Variants in ATP5MG observed in about 807,000 individuals in gnomAD.
The protein encoded by ATP5MG is ATP synthase F(0) complex subunit g, mitochondrial.
ATP5MG carries 7 observed loss-of-function variants against 12.7 expected under a neutral mutation model. That is an observed-to-expected ratio of 0.55 (90% CI 0.31 to 1.04). ATP5MG has a LOEUF of 1.04. ATP5MG is among the 50% of genes least tolerant of loss of function. The pLI is 0.05. For missense variants in ATP5MG, 116 were observed against 126.7 expected (o/e 0.92, Z 0.41); for synonymous variants, 53 against 48.2 (o/e 1.10, Z -0.41).
Position 118,401,972 on chromosome 11 carries a change from G to C in ATP5MG, c.52+255G>C. Reference sequence around the variant, plus strand: ...CCACGACTGGGAAGAGAGGTAGTGTGAAGGAAGCCCGGCGTTGCCCGGCAG... The same window carrying C: ...CCACGACTGGGAAGAGAGGTAGTGTCAAGGAAGCCCGGCGTTGCCCGGCAG... On this transcript the variant is annotated intron_variant, in intron 1 of 2. Transcript: ENST00000300688. 4 of 460,016 alleles carry C rather than the reference G, an allele frequency of 8.7e-6. No homozygotes were observed. In the South Asian group the frequency reaches 1.5e-4, roughly 17 times the overall value. 28.5% of individuals were successfully genotyped at this position (460,016 alleles called of 1,614,324 possible).
At chr11:118,405,525 A>G (rs1948964902) in intron 1 of ATP5MG, 2 of 458,352 alleles carry the variant, frequency 4.4e-6, no homozygotes, top group South Asian at 1.9e-4. Flanking sequence ...TTTACCACCT[A>G]AAATATTGTT....
chr11:118,409,159 G>A lies in ATP5MG; in HGVS notation c.*61G>A, dbSNP rs1555132656. On this transcript the variant is annotated 3_prime_UTR_variant, in exon 3 of 3. Transcript: ENST00000300688. ...TTATTTGAGTGTTGTTGGACCATGT[G>A]TGATCAGACTGCTATCTGAATAAAA... 6 of 1,151,712 alleles carry A rather than the reference G, an allele frequency of 5.2e-6. No homozygotes were observed. Among genetic ancestry groups the A allele is most frequent in the Non-Finnish European group, 7.4e-6 (6 of 812,940 alleles). 71.3% of individuals were successfully genotyped at this position (1,151,712 alleles called of 1,614,324 possible). A position where few individuals can be genotyped will look rare whatever the true frequency, so the allele number is the denominator to read the frequency against.
At chr11:118,403,605 C>A (rs1404709882) in intron 1 of ATP5MG, among the ~76,000 whole-genome samples, 1 of 151,984 alleles carries the variant, frequency 6.6e-6, no homozygotes, top group Admixed American at 6.6e-5. Context: ...ACACCAGCCT[C>A]ACTAATATGG....
At chr11:118,407,324 G>C in intron 2 of ATP5MG, 1 of 590,486 alleles carries the variant, frequency 1.7e-6, no homozygotes, top group Admixed American at 3.6e-5. Context: ...CTTAAACCTA[G>C]CAAAAAAGTG....
chr11:118,406,318 A>G (rs1948971229), intron 1 of ATP5MG: 4 of 152,726 alleles, frequency 2.6e-5, no homozygotes, highest in Admixed American at 2.6e-4. Context: ...GGCTCTTCTT[A>G]ACTATACATG....
At chr11:118,407,724 T>A (rs571754926) in intron 2 of ATP5MG, among the ~76,000 whole-genome samples, 9 of 151,662 alleles carry the variant, frequency 5.9e-5, no homozygotes, top group South Asian at 2.1e-4. Context: ...TGAAAAAAAA[T>A]TGCCAGGTGT....
chr11:118,408,930 A>AT, intron 2 of ATP5MG, 70 bp from the exon 3 acceptor site: 1 of 411,620 alleles, frequency 2.4e-6, no homozygotes, highest in Non-Finnish European at 3.7e-6. Context: ...AATAGTTTCA[A>AT]ATATATATAT....
chr11:118,403,652 G>A (rs1434770914), intron 1 of ATP5MG, among the ~76,000 whole-genome samples: 2 of 151,684 alleles, frequency 1.3e-5, no homozygotes, highest in Non-Finnish European at 2.9e-5. Flanking sequence ...AATTAGCCGG[G>A]CATGGTGGCA....
At position 118,409,123 on chromosome 11, in the gene ATP5MG, T is replaced by C; in HGVS notation, c.*25T>C. The C allele has an allele frequency of 6.0e-6, 9 of 1,490,954 alleles. No homozygotes were observed. The South Asian group carries it at 1.1e-4, about 18-fold the overall frequency. The allele number at this position is 1,490,954 out of a possible 1,614,324, so 92.4% of individuals were successfully genotyped here. ...AAGACCAATCTTTAACATCTGATTA[T>C]ATTTGATTTATTATTTGAGTGTTGT... On this transcript the variant is annotated 3_prime_UTR_variant, in exon 3 of 3. Transcript: ENST00000300688.
chr11:118,401,942 T>C, intron 1 of ATP5MG: 1 of 531,566 alleles, frequency 1.9e-6, no homozygotes, highest in Non-Finnish European at 3.3e-6. Flanking sequence ...GTTCCTGAAT[T>C]CTAACCACGA....
chr11:118,402,988 C>G (rs56168472), intron 1 of ATP5MG, among the ~76,000 whole-genome samples: 2 of 152,186 alleles, frequency 1.3e-5, no homozygotes, highest in African/African-American at 4.8e-5. Flanking sequence ...GTGTGAGCCA[C>G]AGCGCCAGCC....
intron 1 of ATP5MG, among the ~76,000 whole-genome samples, chr11:118,402,413 A>G (rs1273058710): frequency 6.6e-6 from 1 of 152,148 alleles, no homozygotes; most frequent in African/African-American, 2.4e-5. Flanking sequence ...ACAACCCTGA[A>G]TAATCACAGC....
At chr11:118,406,294 T>C (rs1948971076) in intron 1 of ATP5MG, 1 of 152,472 alleles carries the variant, frequency 6.6e-6, no homozygotes, top group Non-Finnish European at 1.5e-5. Context: ...AGCTTGGTAA[T>C]AGATTCTAGT....
At chr11:118,406,829 A>G (rs1344356726) in intron 1 of ATP5MG, 108 bp from the exon 2 acceptor site, 7 of 1,471,192 alleles carry the variant, frequency 4.8e-6, no homozygotes, top group Admixed American at 2.1e-5. Context: ...CAAGCAGTGA[A>G]TGAAGGTGAT....
rs1271114992 is a variant in ATP5MG at position 118,409,070 on chromosome 11, A to G, written c.284A>G (p.Lys95Arg). The change falls in exon 3 of 3, where the codon AAG becomes AGG. Residue 95 changes from lysine to arginine, a missense_variant. Transcript: ENST00000300688. The part of the protein sequence containing the change: ...MWFYVGEIIG[K>R]RGIIGYDV The stretch of plus-strand genomic sequence containing the variant: ...TTTTATGTCGGAGAGATTATAGGCA[A>G]GCGGGGCATCATTGGCTATGATGTT... 1 of 1,607,632 alleles carries G rather than the reference A, an allele frequency of 6.2e-7. No homozygotes were observed. Among genetic ancestry groups the G allele is most frequent in the Non-Finnish European group, 8.5e-7 (1 of 1,176,752 alleles).
chr11:118,404,840 T>C (rs1948958729), intron 1 of ATP5MG, among the ~76,000 whole-genome samples: 1 of 152,272 alleles, frequency 6.6e-6, no homozygotes, highest in Non-Finnish European at 1.5e-5. Context: ...AGAATTTTTC[T>C]GTGAGAAAGA....
intron 1 of ATP5MG, among the ~76,000 whole-genome samples, chr11:118,402,568 G>A (rs1948937093): frequency 6.6e-6 from 1 of 152,022 alleles, no homozygotes; most frequent in African/African-American, 2.4e-5. Flanking sequence ...ACTGAAGGTC[G>A]GATCTCTTAA....
chr11:118,401,834 A>G, intron 1 of ATP5MG, 117 bp downstream of exon 1: 1 of 1,284,646 alleles, frequency 7.8e-7, no homozygotes, highest in Non-Finnish European at 1.1e-6. Context: ...CCGGGGCGGG[A>G]TGGCCTGCAG....
In ATP5MG at chr11:118,409,799, G is replaced by A. The variant is rs1295038435; in HGVS notation, c.*701G>A. On this transcript the variant is annotated 3_prime_UTR_variant, in exon 3 of 3. Coordinates refer to ENST00000300688, the MANE Select transcript of ATP5MG (RefSeq NM_006476.5). ...AAGGTTATAATTTAGCATCTTCCCT[G>A]GATCTAAATAGTATATTATATCCTG... 1 of 152,112 alleles carries A rather than the reference G, an allele frequency of 6.6e-6. No individual in the cohort carries two copies. The highest frequency in any genetic ancestry group is 1.5e-5 in the Non-Finnish European group (1 of 68,026). The allele number at this position is 152,112 out of a possible 1,614,324, so 9.4% of individuals were successfully genotyped here.
Sources: allele counts gnomAD v4.1 joint callset (sites outside exome capture counted in the v4.1 genomes callset), GRCh38; gene constraint gnomAD v4.1.1; transcripts MANE v1.5; gene names NCBI Gene and HGNC (gene_info 2026-07-23, HGNC 2026-07-21).